The following UBE2E1 variants were observed in gnomAD, a reference collection of about 807,000 sequenced individuals.
The protein encoded by UBE2E1 is ubiquitin conjugating enzyme E2 E1, also known as ubiquitin-conjugating enzyme E2 E1.
A neutral mutation model predicts 21.4 loss-of-function variants in UBE2E1; 6 were observed. That is an observed-to-expected ratio of 0.28 (90% CI 0.15 to 0.55). UBE2E1 has a LOEUF of 0.55. Ranked by LOEUF, UBE2E1 falls within the 20% of genes least tolerant of loss-of-function variation. UBE2E1 has a pLI of 0.93. For missense variants in UBE2E1, 142 were observed against 236.5 expected (o/e 0.60, Z 2.62); for synonymous variants, 87 against 82.7 (o/e 1.05, Z -0.28).
At chr3:23,811,411 C>T (rs773870301) in intron 2 of UBE2E1, 49 bp from the exon 3 acceptor site, 14 of 1,599,716 alleles carry the variant, frequency 8.8e-6, no homozygotes, top group Middle Eastern at 1.7e-4. Flanking sequence ...GGGAGGCTTC[C>T]GCGCCTTAAT....
At chr3:23,818,044 G>T (rs998273959) in intron 3 of UBE2E1, among the ~76,000 whole-genome samples, 1 of 152,164 alleles carries the variant, frequency 6.6e-6, no homozygotes, top group Non-Finnish European at 1.5e-5. Flanking sequence ...TGGGGTGTAA[G>T]TGGTGGCCTT....
chr3:23,821,349 A>T (rs1699640014), intron 3 of UBE2E1, among the ~76,000 whole-genome samples: 2 of 152,382 alleles, frequency 1.3e-5, no homozygotes, highest in Admixed American at 1.3e-4. Flanking sequence ...ACCAGAAGAC[A>T]TCTGGGACAG....
At chr3:23,829,854 A>G (rs1699832395) in intron 3 of UBE2E1, among the ~76,000 whole-genome samples, 1 of 152,190 alleles carries the variant, frequency 6.6e-6, no homozygotes, top group African/African-American at 2.4e-5. Context: ...GTGAGTTGAT[A>G]AGCATGGATT....
At chr3:23,814,732 A>T (rs1699475812) in intron 3 of UBE2E1, among the ~76,000 whole-genome samples, 2 of 152,182 alleles carry the variant, frequency 1.3e-5, no homozygotes, top group Non-Finnish European at 1.5e-5. Context: ...CCAGGGCTCA[A>T]ACTTTGCTAA....
At chr3:23,833,460 T>C (rs1699910495) in intron 3 of UBE2E1, among the ~76,000 whole-genome samples, 2 of 152,224 alleles carry the variant, frequency 1.3e-5, no homozygotes, top group Non-Finnish European at 2.9e-5. Flanking sequence ...ATTTTTAGAA[T>C]ATTAATAGAG....
chr3:23,857,771 G>A (rs545513685), intron 3 of UBE2E1, among the ~76,000 whole-genome samples: 2 of 152,316 alleles, frequency 1.3e-5, no homozygotes, highest in African/African-American at 4.8e-5. Context: ...GGTTCCCAGC[G>A]TGTGCTCCTC....
At chr3:23,809,375 T>G (rs962774927) in intron 2 of UBE2E1, among the ~76,000 whole-genome samples, 1 of 152,126 alleles carries the variant, frequency 6.6e-6, no homozygotes, top group Non-Finnish European at 1.5e-5. Flanking sequence ...GTGTTGCCCA[T>G]AGAATTGGAA....
intron 3 of UBE2E1, among the ~76,000 whole-genome samples, chr3:23,843,076 CT>C (rs55762254): frequency 0.012 from 1,731 of 140,716 alleles, 31 homozygotes; most frequent in African/African-American, 0.033. Flanking sequence ...TGGCTTAAAG[CT>C]TTTTTTTTTT....
chr3:23,819,250 C>T (rs1381115355), intron 3 of UBE2E1, among the ~76,000 whole-genome samples: 1 of 152,136 alleles, frequency 6.6e-6, no homozygotes, highest in Non-Finnish European at 1.5e-5. Context: ...CGCCACTGCA[C>T]TCCAGCCTGG....
At chr3:23,846,838 C>T (rs1380511073) in intron 3 of UBE2E1, among the ~76,000 whole-genome samples, 2 of 151,342 alleles carry the variant, frequency 1.3e-5, no homozygotes, top group African/African-American at 4.9e-5. Context: ...TTTTTAACTG[C>T]CTATAGTAAA....
rs544134768 is a variant in UBE2E1 at position 23,879,708 on chromosome 3, G to A, written c.204-7859G>A. 5.6e-4 allele frequency among the ~76,000 whole-genome samples: 86 copies of A among 152,320 alleles called. 3 individuals carry two copies. In the South Asian group the frequency reaches 0.017, roughly 31 times the overall value. On this transcript the variant is annotated intron_variant, in intron 3 of 5. Coordinates refer to ENST00000306627, the MANE Select transcript of UBE2E1 (RefSeq NM_003341.5). ...GAGGACAGGGCACCAGGTGGGTGCT[G>A]TGTGCCTGGCTGCTCTAACAGTGCT...
intron 2 of UBE2E1, chr3:23,807,849 T>C (rs1699311071): frequency 6.5e-6 from 1 of 153,998 alleles, no homozygotes; most frequent in South Asian, 2.1e-4. Context: ...GGATGATCTT[T>C]TCTAAATAGA....
At position 23,889,186 on chromosome 3, in the gene UBE2E1, T is replaced by A. The variant is rs1447622348; in HGVS notation, c.411T>A (p.Asp137Glu). The stretch of plus-strand genomic sequence containing the variant: ...TTATTTGCTTGGACATATTGAAAGA[T>A]AATTGGAGTCCAGCACTAACCATTT... ...QGVICLDILK[D>E]NWSPALTISK... The change falls in exon 5 of 6, where the codon GAT becomes GAA. Residue 137 changes from aspartate (D) to glutamate (E), a missense_variant. Around this residue, in one of 2 missense-constraint regions of UBE2E1, gnomAD observed 87 missense variants for 184.9 expected, o/e 0.47. Transcript: ENST00000306627. 6.2e-7 allele frequency: 1 copy of A among 1,613,362 alleles called. No individual in the cohort carries two copies. Among genetic ancestry groups the A allele is most frequent in the Non-Finnish European group, 8.5e-7 (1 of 1,179,914 alleles).
Position 23,853,173 on chromosome 3 carries a change from G to A in UBE2E1, c.204-34394G>A, listed in dbSNP as rs56027649. On this transcript the variant is annotated intron_variant, in intron 3 of 5. Coordinates refer to ENST00000306627, the MANE Select transcript of UBE2E1 (RefSeq NM_003341.5). The surrounding 1 kb of genome is among the most constrained non-coding windows in gnomAD (Gnocchi z 4.1). Reference sequence around the variant, plus strand: ...CTCCCAGAGTGCTGGGATTACAGGCGTGAGCCACCGCGCCCAGCTGCCTTA... The same window carrying A: ...CTCCCAGAGTGCTGGGATTACAGGCATGAGCCACCGCGCCCAGCTGCCTTA... Among the ~76,000 whole-genome samples, 10 of 152,270 alleles carry A rather than the reference G, an allele frequency of 6.6e-5. No individual in the cohort carries two copies. Among genetic ancestry groups the A allele is most frequent in the East Asian group, 3.9e-4 (2 of 5,184 alleles).
At chr3:23,875,366 A>AC (rs1700892853) in intron 3 of UBE2E1, among the ~76,000 whole-genome samples, 1 of 152,086 alleles carries the variant, frequency 6.6e-6, no homozygotes, top group Non-Finnish European at 1.5e-5. Context: ...GGAAATTACT[A>AC]CCCCCTAGAG....
intron 3 of UBE2E1, among the ~76,000 whole-genome samples, chr3:23,832,145 C>G (rs1429487765): frequency 6.6e-6 from 1 of 152,236 alleles, no homozygotes; most frequent in Non-Finnish European, 1.5e-5. Context: ...AAAACAGTAA[C>G]TGCTCAAACT....
chr3:23,858,999 A>G (rs1213122985), intron 3 of UBE2E1, among the ~76,000 whole-genome samples: 1 of 151,952 alleles, frequency 6.6e-6, no homozygotes, highest in Non-Finnish European at 1.5e-5. Flanking sequence ...CCACCCCCCA[A>G]TTTGGCTGGT....
In UBE2E1 at chr3:23,876,156, A is replaced by G. The variant is rs1043214769; in HGVS notation, c.204-11411A>G. 6.6e-6 allele frequency among the ~76,000 whole-genome samples: 1 copy of G among 152,156 alleles called. No homozygotes were observed. The highest frequency in any genetic ancestry group is 2.4e-5 in the African/African-American group (1 of 41,440). ...TAGGTCTGCAAGTTCTTTCCAAGGGATAGTTAACCTGAATGGTACATTCCT... is the reference window on the plus strand; with the variant it reads ...TAGGTCTGCAAGTTCTTTCCAAGGGGTAGTTAACCTGAATGGTACATTCCT... On this transcript the variant is annotated intron_variant, in intron 3 of 5. Transcript: ENST00000306627. The surrounding 1 kb of genome is among the most constrained non-coding windows in gnomAD (Gnocchi z 4.3).
intron 3 of UBE2E1, among the ~76,000 whole-genome samples, chr3:23,851,818 A>G (rs886385589): frequency 6.6e-6 from 1 of 152,122 alleles, no homozygotes; most frequent in African/African-American, 2.4e-5. Context: ...ATTAAAATTC[A>G]GATCTGTACA....
Sources: gnomAD v4.1 joint callset for allele counts (sites outside exome capture counted in the v4.1 genomes callset) on GRCh38, gnomAD v4.1.1 for gene constraint, gnomAD v4.1.1 regional missense constraint, Gnocchi (gnomAD v3.1) non-coding constraint, MANE v1.5 for transcripts, NCBI Gene and HGNC (gene_info 2026-07-23, HGNC 2026-07-21) for gene names.